The following ATP11A variants were observed in gnomAD, a reference collection of about 807,000 sequenced individuals.
ATP11A encodes phospholipid-transporting ATPase IH.
In ATP11A, 81 loss-of-function variants were observed where a neutral mutation model predicts 154.4. The ratio of observed to expected loss-of-function variants is 0.52; its 90% CI spans 0.44 to 0.63. The LOEUF (loss-of-function observed/expected upper bound fraction) is 0.63. Among genes scored for constraint, ATP11A ranks in the 30% least tolerant of loss-of-function variants. The pLI, the probability that ATP11A is intolerant of heterozygous loss-of-function variation, is 0.00. For synonymous variants in ATP11A, 623 were observed against 585.9 expected (o/e 1.06, Z -0.91); for missense variants, 1,316 against 1,474.3 (o/e 0.89, Z 1.76).
chr13:112,783,047 TGA>T (rs1468880216), intron 1 of ATP11A, among the ~76,000 whole-genome samples: 1 of 152,244 alleles, frequency 6.6e-6, no homozygotes, highest in Admixed American at 6.5e-5. Flanking sequence ...TCTGCAAAGC[TGA>T]GTCCTAATAA....
At chr13:112,825,042 T>A (rs1056456019) in intron 10 of ATP11A, among the ~76,000 whole-genome samples, 12 of 152,206 alleles carry the variant, frequency 7.9e-5, no homozygotes, top group African/African-American at 2.7e-4. Flanking sequence ...CTTTCCTTCC[T>A]TCCTCTACAG....
At chr13:112,717,088 C>A (rs1594396462) in intron 1 of ATP11A, among the ~76,000 whole-genome samples, 1 of 152,170 alleles carries the variant, frequency 6.6e-6, no homozygotes. Flanking sequence ...TCTGTTGTGA[C>A]CTTGACCAGG....
At chr13:112,810,792 C>A in intron 5 of ATP11A, 66 bp downstream of exon 5, 1 of 1,450,986 alleles carries the variant, frequency 6.9e-7, no homozygotes, top group Non-Finnish European at 9.6e-7. Context: ...AAGTTTTACC[C>A]AGGTGCAGTG....
chr13:112,698,047 G>A (rs1387580496), intron 1 of ATP11A, among the ~76,000 whole-genome samples: 2 of 152,186 alleles, frequency 1.3e-5, no homozygotes, highest in Admixed American at 1.3e-4. Context: ...CTCCTGTGCT[G>A]GGACAGGCAG....
chr13:112,714,487 AC>A (rs370385610), intron 1 of ATP11A, among the ~76,000 whole-genome samples: 38 of 152,114 alleles, frequency 2.5e-4, no homozygotes, highest in African/African-American at 8.4e-4. Context: ...CACTCCCCGA[AC>A]CCTGCCCAGC....
At chr13:112,719,747 G>C (rs1385571273) in intron 1 of ATP11A, among the ~76,000 whole-genome samples, 2 of 152,232 alleles carry the variant, frequency 1.3e-5, no homozygotes, top group East Asian at 3.9e-4. Context: ...TCCTATTTTT[G>C]AGAAAAACCG....
chr13:112,784,439 T>C (rs1250635559), intron 1 of ATP11A, among the ~76,000 whole-genome samples: 1 of 152,122 alleles, frequency 6.6e-6, no homozygotes, highest in East Asian at 1.9e-4. Context: ...GTATCATAGT[T>C]TTTCTTTCCT....
chr13:112,738,523 G>A (rs907581083), intron 1 of ATP11A, among the ~76,000 whole-genome samples: 6 of 152,174 alleles, frequency 3.9e-5, no homozygotes, highest in African/African-American at 1.4e-4. Flanking sequence ...GGGACATTTT[G>A]CTTGTTTCTT....
At chr13:112,769,368 C>T (rs1435024312) in intron 1 of ATP11A, among the ~76,000 whole-genome samples, 6 of 152,226 alleles carry the variant, frequency 3.9e-5, no homozygotes, top group East Asian at 1.9e-4. Flanking sequence ...ATGGTTGTCC[C>T]GGCCAGTGGC....
At chr13:112,876,588 T>C (rs1262799174) in intron 28 of ATP11A, among the ~76,000 whole-genome samples, 2 of 152,192 alleles carry the variant, frequency 1.3e-5, no homozygotes, top group African/African-American at 4.8e-5. Flanking sequence ...GCTGCACCTG[T>C]CACGGTCCCT....
rs868540713 is a variant in ATP11A, at chr13:112,875,395, G to C, written c.3162-381G>C. Among the ~76,000 whole-genome samples the C allele has an allele frequency of 6.6e-6, 1 of 152,086 alleles. No homozygotes were observed. The highest frequency in any genetic ancestry group is 1.5e-5 in the Non-Finnish European group (1 of 68,036). On this transcript the variant is annotated intron_variant, in intron 27 of 29. Coordinates refer to ENST00000375645, the MANE Select transcript of ATP11A (RefSeq NM_015205.3). This position sits in a 1 kb window ranked among gnomAD's most constrained non-coding sequence, Gnocchi z 4.1. ...TTTCTGGGGAGAGAAGTCATTGCTT[G>C]CTCTGTACTGACGACCAGTGCTCGG... is the stretch of plus-strand genomic sequence containing the variant.
Position 112,882,002 on chromosome 13 carries a change from C to A in ATP11A, c.*136C>A. 7.3e-7 allele frequency: 1 copy of A among 1,367,864 alleles called. No individual in the cohort carries two copies. Among genetic ancestry groups the A allele is most frequent in the Non-Finnish European group, 9.8e-7 (1 of 1,021,994 alleles). 84.7% of individuals were successfully genotyped at this position (1,367,864 alleles called of 1,614,324 possible). ...CCCACCCATCCTCGGCGGTTCCCAT[C>A]ACCACTGCAGTTCCATCCCAAGTCA... On this transcript the variant is annotated 3_prime_UTR_variant, in exon 30 of 30. Coordinates refer to ENST00000375645, the MANE Select transcript of ATP11A (RefSeq NM_015205.3). The surrounding 1 kb of genome is among the most constrained non-coding windows in gnomAD (Gnocchi z 5.1).
At chr13:112,706,482 GT>G (rs1419231996) in intron 1 of ATP11A, among the ~76,000 whole-genome samples, 1 of 152,220 alleles carries the variant, frequency 6.6e-6, no homozygotes, top group East Asian at 1.9e-4. Context: ...GAACGAGGAT[GT>G]TTTCTGTGGC....
At position 112,882,036 on chromosome 13, in the gene ATP11A, C is replaced by T; in HGVS notation, c.*170C>T. On this transcript the variant is annotated 3_prime_UTR_variant, in exon 30 of 30. Transcript: ENST00000375645. The surrounding 1 kb of genome is among the most constrained non-coding windows in gnomAD (Gnocchi z 5.1). ...AGTTCCATCCCAAGTCACAGCTGCCCTAGGTCCCGTGTGGGAATGCTCGTG... is the reference window on the plus strand; with the variant it reads ...AGTTCCATCCCAAGTCACAGCTGCCTTAGGTCCCGTGTGGGAATGCTCGTG... 7.3e-7 allele frequency: 1 copy of T among 1,367,776 alleles called. No homozygotes were observed. Among genetic ancestry groups the T allele is most frequent in the Non-Finnish European group, 9.8e-7 (1 of 1,021,960 alleles). The allele number at this position is 1,367,776 out of a possible 1,614,324, so 84.7% of individuals were successfully genotyped here. A position where few individuals can be genotyped will look rare whatever the true frequency, so the allele number is the denominator to read the frequency against.
At chr13:112,728,553 C>T (rs1890140116) in intron 1 of ATP11A, among the ~76,000 whole-genome samples, 1 of 150,576 alleles carries the variant, frequency 6.6e-6, no homozygotes, top group South Asian at 2.1e-4. Flanking sequence ...TGGCCCGCCT[C>T]CCTGTGTTAC....
intron 18 of ATP11A, among the ~76,000 whole-genome samples, chr13:112,853,356 A>G (rs551164223): frequency 1.8e-4 from 27 of 152,306 alleles, no homozygotes; most frequent in African/African-American, 5.8e-4. Flanking sequence ...CATCTATAGA[A>G]TACTATGATT....
intron 1 of ATP11A, among the ~76,000 whole-genome samples, chr13:112,721,696 C>T (rs1566380737): frequency 2.0e-5 from 3 of 152,222 alleles, no homozygotes; most frequent in Admixed American, 6.5e-5. Flanking sequence ...CTCTCCTCCA[C>T]GGCTGGGCTT....
chr13:112,714,153 G>T (rs180974465), intron 1 of ATP11A, among the ~76,000 whole-genome samples: 100 of 21,772 alleles, frequency 4.6e-3, no homozygotes, highest in African/African-American at 0.018. Context: ...CCTCCCACCC[G>T]GCTTCCTTTC....
intron 1 of ATP11A, among the ~76,000 whole-genome samples, chr13:112,761,466 TTTATAAATTAAACTTTA>T (rs1226389439): frequency 6.6e-6 from 1 of 152,244 alleles, no homozygotes; most frequent in Admixed American, 6.5e-5. Context: ...CTGTGCCTAA[TTTATAAATTAAACTTTA>T]TCAGGGGTGT....
Sources: gnomAD v4.1 joint callset for allele counts (sites outside exome capture counted in the v4.1 genomes callset) on GRCh38, gnomAD v4.1.1 for gene constraint, Gnocchi (gnomAD v3.1) non-coding constraint, MANE v1.5 for transcripts, NCBI Gene and HGNC (gene_info 2026-07-23, HGNC 2026-07-21) for gene names.